The following ATG10 variants were observed in gnomAD, a reference collection of about 807,000 sequenced individuals.
The protein encoded by ATG10 is autophagy related 10.
ATG10 carries 30 observed loss-of-function variants against 32.1 expected under a neutral mutation model. The ratio of observed to expected loss-of-function variants is 0.94; its 90% confidence interval spans 0.70 to 1.27. ATG10 has a LOEUF of 1.27. Among genes scored for constraint, ATG10 ranks in the 50% most tolerant of loss-of-function variants. The pLI is 0.00. For missense variants in ATG10, 233 were observed against 262.3 expected (o/e 0.89, Z 0.77); for synonymous variants, 87 against 91.5 (o/e 0.95, Z 0.28).
intron 2 of ATG10, among the ~76,000 whole-genome samples, chr5:82,045,027 A>G (rs905572546): frequency 1.2e-4 from 18 of 152,248 alleles, no homozygotes; most frequent in African/African-American, 4.3e-4. Context: ...CTGTTTGGAT[A>G]TCCTATCCCT....
At chr5:82,195,528 G>A (rs766776276) in intron 5 of ATG10, among the ~76,000 whole-genome samples, 2 of 152,098 alleles carry the variant, frequency 1.3e-5, no homozygotes, top group Non-Finnish European at 2.9e-5. Context: ...ACGAGTTTAC[G>A]TGTGCTCCCA....
intron 5 of ATG10, among the ~76,000 whole-genome samples, chr5:82,217,503 A>G (rs1745735904): frequency 6.6e-6 from 1 of 152,112 alleles, no homozygotes; most frequent in African/African-American, 2.4e-5. Context: ...ATCCTGTCAT[A>G]TATATGTGTA....
At chr5:82,204,298 G>C (rs1176637351) in intron 5 of ATG10, among the ~76,000 whole-genome samples, 2 of 151,966 alleles carry the variant, frequency 1.3e-5, no homozygotes, top group Non-Finnish European at 2.9e-5. Context: ...TAGACTCTGG[G>C]GTACAATGAA....
chr5:82,235,111 G>A (rs753347557), intron 5 of ATG10, among the ~76,000 whole-genome samples: 3 of 152,142 alleles, frequency 2.0e-5, no homozygotes, highest in Non-Finnish European at 4.4e-5. Flanking sequence ...CAGTGGCGGG[G>A]AGGGTGCTGT....
chr5:82,133,040 T>C (rs1205106484), intron 3 of ATG10, among the ~76,000 whole-genome samples: 1 of 152,180 alleles, frequency 6.6e-6, no homozygotes, highest in East Asian at 1.9e-4. Context: ...AATGTATTCT[T>C]TTGAGGAGTG....
intron 5 of ATG10, among the ~76,000 whole-genome samples, chr5:82,213,294 G>T (rs567566623): frequency 4.6e-5 from 7 of 152,264 alleles, no homozygotes; most frequent in African/African-American, 1.7e-4. Context: ...CTAAGAGTTG[G>T]TTCCTCTTGA....
intron 2 of ATG10, among the ~76,000 whole-genome samples, chr5:82,036,861 G>A (rs1429226872): frequency 6.6e-6 from 1 of 151,788 alleles, no homozygotes; most frequent in Non-Finnish European, 1.5e-5. Context: ...GGCCAGGTGT[G>A]GTGGCTCACA....
rs555982400 is a variant in ATG10, at chr5:82,047,955, C to A, written c.109-10540C>A. Among the ~76,000 whole-genome samples, 525 of 151,788 alleles carry A rather than the reference C, an allele frequency of 3.5e-3. 4 individuals carry two copies. The highest frequency in any genetic ancestry group is 0.012 in the African/African-American group (500 of 41,332). ...ACATATGGCTAGCCAGTTTTCCCAGCACCGTTTATTAAATAGGGAATCCTT... is the reference window on the plus strand; with the variant it reads ...ACATATGGCTAGCCAGTTTTCCCAGAACCGTTTATTAAATAGGGAATCCTT... On this transcript the variant is annotated intron_variant, in intron 2 of 7. Coordinates refer to ENST00000282185, the MANE Select transcript of ATG10 (RefSeq NM_031482.5).
intron 2 of ATG10, among the ~76,000 whole-genome samples, chr5:82,021,777 C>G (rs1189623865): frequency 6.6e-6 from 1 of 152,010 alleles, no homozygotes; most frequent in East Asian, 1.9e-4. Context: ...GTAATCCCAG[C>G]ACTTTGGGAG....
At chr5:82,253,787 C>G (rs1254135713) in intron 7 of ATG10, among the ~76,000 whole-genome samples, 1 of 152,170 alleles carries the variant, frequency 6.6e-6, no homozygotes, top group Non-Finnish European at 1.5e-5. Context: ...GTTGCGCGCT[C>G]CTTATGAGAT....
intron 2 of ATG10, chr5:82,010,036 C>G: frequency 6.2e-7 from 1 of 1,610,778 alleles, no homozygotes; most frequent in Admixed American, 1.7e-5. Context: ...TCAAAGGAGA[C>G]GCGGCCCAAG....
At chr5:82,014,455 T>C (rs1762220789) in intron 2 of ATG10, among the ~76,000 whole-genome samples, 1 of 152,198 alleles carries the variant, frequency 6.6e-6, no homozygotes, top group African/African-American at 2.4e-5. Context: ...TATTATTGTG[T>C]GGGAGTCTAA....
intron 3 of ATG10, 34 bp downstream of exon 3, chr5:82,058,636 C>A: frequency 7.1e-7 from 1 of 1,413,690 alleles, no homozygotes; most frequent in Non-Finnish European, 1.0e-6. Flanking sequence ...TCTTTTCAGT[C>A]TCCGTAAAGT....
chr5:82,025,014 A>G (rs1347493177), intron 2 of ATG10, among the ~76,000 whole-genome samples: 3 of 152,248 alleles, frequency 2.0e-5, no homozygotes, highest in Non-Finnish European at 4.4e-5. Flanking sequence ...AAGGTAATGT[A>G]AGATAGTCAG....
chr5:82,104,959 T>C (rs971618441), intron 3 of ATG10, among the ~76,000 whole-genome samples: 8 of 152,166 alleles, frequency 5.3e-5, no homozygotes, highest in Admixed American at 1.3e-4. Context: ...CATAGTTGAA[T>C]TGGTTTTGTG....
chr5:81,982,882 A>G (rs1375318347), intron 1 of ATG10, among the ~76,000 whole-genome samples: 1 of 152,232 alleles, frequency 6.6e-6, no homozygotes, highest in Middle Eastern at 3.2e-3. Context: ...GGTTGGGGGT[A>G]GGGTCACAGA....
intron 7 of ATG10, among the ~76,000 whole-genome samples, chr5:82,253,641 A>G (rs1340321520): frequency 6.6e-6 from 1 of 152,196 alleles, no homozygotes; most frequent in Non-Finnish European, 1.5e-5. Context: ...GCCTCACAGC[A>G]GGAGGTGAGC....
At chr5:82,007,855 ATTAT>A (rs1280121547) in intron 2 of ATG10, among the ~76,000 whole-genome samples, 2 of 152,204 alleles carry the variant, frequency 1.3e-5, no homozygotes, top group East Asian at 3.8e-4. Flanking sequence ...GTTGGAAATA[ATTAT>A]TTATTTTTAC....
rs143990810 is a variant in ATG10 at position 82,124,653 on chromosome 5, G to A, written c.217-39746G>A. 1.8e-3 allele frequency among the ~76,000 whole-genome samples: 272 copies of A among 152,054 alleles called. 4 individuals carry two copies. The East Asian group carries it at 0.035, about 19-fold the overall frequency. On this transcript the variant is annotated intron_variant, in intron 3 of 7. Transcript: ENST00000282185. ...TCATTCTTTTTTAGGGTATTCCATG[G>A]TGTATATGTGCCATGTCTTCTTTAT...
Sources: allele counts gnomAD v4.1 joint callset (sites outside exome capture counted in the v4.1 genomes callset), GRCh38; gene constraint gnomAD v4.1.1; transcripts MANE v1.5; gene names NCBI Gene and HGNC (gene_info 2026-07-23, HGNC 2026-07-21).